MAP2: variants seen among roughly 807,000 people sequenced by gnomAD.
The protein encoded by MAP2 is microtubule associated protein 2, also known as microtubule-associated protein 2.
A neutral mutation model predicts 137.6 loss-of-function variants in MAP2; 14 were observed. The observed-to-expected ratio is 0.10, with a 90% CI of 0.07 to 0.16. The LOEUF is 0.16. Ranked by LOEUF, MAP2 falls within the 10% of genes least tolerant of loss-of-function variation. The pLI is 1.00. For synonymous variants in MAP2, 786 were observed against 782.3 expected (o/e 1.00, Z -0.08); for missense variants, 2,088 against 2,191.5 (o/e 0.95, Z 0.94).
At chr2:209,455,146 T>C (rs1238146203) in intron 1 of MAP2, among the ~76,000 whole-genome samples, 1 of 152,156 alleles carries the variant, frequency 6.6e-6, no homozygotes, top group Non-Finnish European at 1.5e-5. Context: ...ACCATCACAT[T>C]GGAGGTTAGG....
intron 2 of MAP2, among the ~76,000 whole-genome samples, chr2:209,547,294 A>G (rs193158826): frequency 6.6e-6 from 1 of 151,606 alleles, no homozygotes; most frequent in East Asian, 1.9e-4. Flanking sequence ...CCCCCACAAA[A>G]AGAAGACCTA....
At chr2:209,691,881 CTAAG>C (rs2059013095) in intron 7 of MAP2, among the ~76,000 whole-genome samples, 1 of 152,078 alleles carries the variant, frequency 6.6e-6, no homozygotes, top group African/African-American at 2.4e-5. Context: ...ACCGTACAGA[CTAAG>C]TAATGATTAG....
rs1559594264 is a variant in MAP2 at position 209,695,730 on chromosome 2, A to G, written c.3560A>G (p.Asp1187Gly). 1.2e-6 allele frequency: 2 copies of G among 1,614,070 alleles called. No homozygotes were observed. Among genetic ancestry groups the G allele is most frequent in the Non-Finnish European group, 1.7e-6 (2 of 1,179,992 alleles). ...GTTTCAGAGGCTGATTTAGCCACAG[A>G]TGAGAGAGCTGATGTCCAGATGGAA... ...PAVSEADLAT[D>G]ERADVQMEFI... The change falls in exon 8 of 16, where the codon GAT becomes GGT. Residue 1187 changes from aspartate to glycine, a missense_variant. Physicochemically the swap from Asp to Gly is moderately conservative, Grantham distance 94. Around this residue, in one of 6 missense-constraint regions of MAP2, gnomAD observed 591 missense variants for 642.6 expected, o/e 0.92. Coordinates refer to ENST00000682079, the MANE Select transcript of MAP2 (RefSeq NM_001375505.1).
rs745822511 is a variant in MAP2 at position 209,696,324 on chromosome 2, C to G, written c.4154C>G (p.Ala1385Gly). 6.4e-7 allele frequency: 1 copy of G among 1,565,394 alleles called. No homozygotes were observed. The highest frequency in any genetic ancestry group is 8.6e-7 in the Non-Finnish European group (1 of 1,162,940). The part of the protein sequence containing the change: ...ETTIDDSIMD[A>G]DSLWVDTQDD... ...ACCATTGACGACTCCATCATGGACG[C>G]TGACAGCCTCTGGGTGGACACTCAA... is the stretch of plus-strand genomic sequence containing the variant. Residue 1385 changes from alanine (A) to glycine (G), a missense_variant, in exon 8 of 16, where the codon GCT becomes GGT. Coordinates refer to ENST00000682079, the MANE Select transcript of MAP2 (RefSeq NM_001375505.1).
intron 1 of MAP2, among the ~76,000 whole-genome samples, chr2:209,494,447 G>A (rs35426033): frequency 0.061 from 8,622 of 142,444 alleles, 282 homozygotes; most frequent in South Asian, 0.098. Context: ...AAAAAAAAAA[G>A]CCAGCTAAAT....
intron 1 of MAP2, among the ~76,000 whole-genome samples, chr2:209,482,820 G>T (rs959242340): frequency 6.6e-6 from 1 of 152,148 alleles, no homozygotes; most frequent in African/African-American, 2.4e-5. Context: ...AACAATATTT[G>T]TAGTAAATAA....
chr2:209,678,579 G>A lies in MAP2; in HGVS notation c.270G>A (p.Val90=), dbSNP rs764863874. The change falls in exon 6 of 16, where the codon GTG becomes GTA. Residue 90 remains valine (V), a synonymous_variant. Transcript: ENST00000682079. ...TGTTACTGTTTATTACAGAGGAGGT[G>A]TCTGCAAGGATAGTTCAAGTAGTCA... is the stretch of plus-strand genomic sequence containing the variant. The part of the protein sequence containing the change: ...TSADRETAEE[V]SARIVQVVTA... The A allele has an allele frequency of 1.3e-6, 2 of 1,552,858 alleles. No individual in the cohort carries two copies. The highest frequency in any genetic ancestry group is 1.7e-6 in the Non-Finnish European group (2 of 1,144,320).
intron 5 of MAP2, among the ~76,000 whole-genome samples, chr2:209,675,451 A>T (rs2050905031): frequency 6.6e-6 from 1 of 151,866 alleles, no homozygotes; most frequent in South Asian, 2.1e-4. Flanking sequence ...GTACTGGCTG[A>T]TACAGTGCCT....
chr2:209,656,314 G>C (rs1226985969), intron 5 of MAP2, among the ~76,000 whole-genome samples: 2 of 151,848 alleles, frequency 1.3e-5, no homozygotes, highest in South Asian at 2.1e-4. Context: ...CCAGGAATTC[G>C]AGACCAGTCT....
At chr2:209,440,078 A>G (rs549497874) in intron 1 of MAP2, among the ~76,000 whole-genome samples, 92 of 151,632 alleles carry the variant, frequency 6.1e-4, no homozygotes, top group African/African-American at 1.9e-3. Flanking sequence ...AACATTCACT[A>G]ATTTCAGTTT....
intron 5 of MAP2, among the ~76,000 whole-genome samples, chr2:209,670,233 G>A (rs1435854941): frequency 6.6e-6 from 1 of 151,894 alleles, no homozygotes; most frequent in African/African-American, 2.4e-5. Context: ...TAGTAAATAT[G>A]TAATATAGGG....
intron 3 of MAP2, among the ~76,000 whole-genome samples, chr2:209,619,107 T>C (rs2090389942): frequency 6.6e-6 from 1 of 152,146 alleles, no homozygotes; most frequent in Admixed American, 6.6e-5. Context: ...ATGGTGGTTA[T>C]CAGGAGCTGT....
At chr2:209,573,298 G>GGTTTTTTTT (rs770132978) in intron 2 of MAP2, among the ~76,000 whole-genome samples, 1 of 120,068 alleles carries the variant, frequency 8.3e-6, no homozygotes, top group African/African-American at 3.3e-5. Context: ...TTCTTTTTCT[G>GGTTTTTTTT]TTTTTTTTTT....
intron 1 of MAP2, among the ~76,000 whole-genome samples, chr2:209,469,617 C>T (rs190129294): frequency 6.6e-6 from 1 of 152,190 alleles, no homozygotes; most frequent in African/African-American, 2.4e-5. Context: ...CCCTCTGCAC[C>T]TGCTGCAGCC....
chr2:209,554,944 A>G (rs1267343035), intron 2 of MAP2, among the ~76,000 whole-genome samples: 1 of 146,262 alleles, frequency 6.8e-6, no homozygotes, highest in East Asian at 1.9e-4. Context: ...ATATATAAAT[A>G]TATATATTAT....
chr2:209,632,290 C>T (rs2093150502), intron 4 of MAP2, among the ~76,000 whole-genome samples: 1 of 151,928 alleles, frequency 6.6e-6, no homozygotes, highest in African/African-American at 2.4e-5. Context: ...AGTGAAGGGC[C>T]ATGGAGAAGA....
chr2:209,481,318 C>T (rs1488223156), intron 1 of MAP2, among the ~76,000 whole-genome samples: 1 of 152,222 alleles, frequency 6.6e-6, no homozygotes, highest in Non-Finnish European at 1.5e-5. Context: ...CTTCATACTC[C>T]TGCATTGATC....
chr2:209,664,603 A>C (rs1425303141), intron 5 of MAP2, among the ~76,000 whole-genome samples: 5 of 152,112 alleles, frequency 3.3e-5, no homozygotes, highest in African/African-American at 1.2e-4. Context: ...GAGAATGGAA[A>C]TCACATAAAC....
rs369219843 is a variant in MAP2, at chr2:209,492,635, T to C, written c.-221-14957T>C. On this transcript the variant is annotated intron_variant, in intron 1 of 15. Coordinates refer to ENST00000682079, the MANE Select transcript of MAP2 (RefSeq NM_001375505.1). Reference sequence around the variant, plus strand: ...TGTGGAAAAATCACAAGCATTCCTATACACCAATAATAGACAGACACAGAG... The same window carrying C: ...TGTGGAAAAATCACAAGCATTCCTACACACCAATAATAGACAGACACAGAG... 1.6e-4 allele frequency among the ~76,000 whole-genome samples: 25 copies of C among 152,268 alleles called. No individual in the cohort carries two copies. In the South Asian group the frequency reaches 5.0e-3, roughly 30 times the overall value.
Sources: allele counts gnomAD v4.1 joint callset (sites outside exome capture counted in the v4.1 genomes callset), GRCh38; gene constraint gnomAD v4.1.1; regional missense constraint gnomAD v4.1.1; transcripts MANE v1.5; gene names NCBI Gene and HGNC (gene_info 2026-07-23, HGNC 2026-07-21).